Variants in HTR1E observed in about 807,000 individuals in gnomAD.
HTR1E encodes the protein 5-HT-1E.
Under a neutral mutation model 3.4 loss-of-function variants are expected in HTR1E, and 3 were observed. The observed-to-expected ratio is 0.89, with a 90% CI of 0.41 to 2.31. The LOEUF (loss-of-function observed/expected upper bound fraction) is 2.31, where lower values mean the gene tolerates loss of function less well. HTR1E is among the 30% of genes most tolerant of loss of function. HTR1E has a pLI of 0.05. For missense variants in HTR1E, 392 were observed against 467.0 expected, an observed-to-expected ratio of 0.84 and a Z score of 1.48; for synonymous variants, 170 against 182.8, an observed-to-expected ratio of 0.93 and a Z score of 0.56.
intron 1 of HTR1E, among the ~76,000 whole-genome samples, chr6:87,012,562 G>GA (rs1562075349): frequency 6.6e-6 from 1 of 151,554 alleles, no homozygotes; most frequent in African/African-American, 2.4e-5. Flanking sequence ...AAGTTGGAAA[G>GA]AAAAAAAAGA....
chr6:86,967,124 T>C (rs530162687), intron 1 of HTR1E, among the ~76,000 whole-genome samples: 25 of 152,172 alleles, frequency 1.6e-4, no homozygotes, highest in Non-Finnish European at 2.6e-4. Context: ...GCAAGTGCAA[T>C]TAAAGGTTAA....
At chr6:86,941,533 T>C (rs1472492970) in intron 1 of HTR1E, among the ~76,000 whole-genome samples, 1 of 152,222 alleles carries the variant, frequency 6.6e-6, no homozygotes, top group Non-Finnish European at 1.5e-5. Flanking sequence ...CTCATGCTGA[T>C]CAATTCTCAA....
intron 1 of HTR1E, among the ~76,000 whole-genome samples, chr6:86,948,163 C>T (rs946434934): frequency 6.6e-6 from 1 of 152,010 alleles, no homozygotes; most frequent in Non-Finnish European, 1.5e-5. Flanking sequence ...GTTAGTTTGC[C>T]GAGAATGATG....
Position 86,948,916 on chromosome 6 carries a change from T to C in HTR1E, c.-186+11093T>C, listed in dbSNP as rs1208718651. Among the ~76,000 whole-genome samples the C allele has an allele frequency of 2.6e-5, 4 of 152,130 alleles. No homozygotes were observed. In the East Asian group the frequency reaches 7.7e-4, roughly 29 times the overall value. On this transcript the variant is annotated intron_variant, in intron 1 of 1. Coordinates refer to ENST00000305344, the MANE Select transcript of HTR1E (RefSeq NM_000865.3). ...TGCCTCCTGAGGATAAAACTTTACA[T>C]GGAGGAAGGAAGAGCCCAGAGATGG...
chr6:87,016,210 C>G lies in HTR1E; in HGVS notation c.876C>G (p.Ile292Met). The G allele has an allele frequency of 6.2e-7, 1 of 1,614,098 alleles. No homozygotes were observed. Among genetic ancestry groups the G allele is most frequent in the Non-Finnish European group, 8.5e-7 (1 of 1,180,012 alleles). The change falls in exon 2 of 2, where the codon ATC becomes ATG. Residue 292 changes from isoleucine (I) to methionine (M), a missense_variant. By Grantham distance (10) the Ile-to-Met change is conservative. Transcript: ENST00000305344. ...SSTRERKAAR[I>M]LGLILGAFIL... ...CCAGGGAACGGAAGGCAGCACGCAT[C>G]CTGGGGCTGATTCTGGGTGCATTCA...
chr6:86,983,076 A>G (rs189048761), intron 1 of HTR1E, among the ~76,000 whole-genome samples: 13 of 152,332 alleles, frequency 8.5e-5, no homozygotes, highest in Admixed American at 2.6e-4. Flanking sequence ...GTTTTCTATA[A>G]ATAAGCCAGG....
chr6:86,979,721 G>A (rs559784232), intron 1 of HTR1E, among the ~76,000 whole-genome samples: 2 of 152,288 alleles, frequency 1.3e-5, no homozygotes, highest in African/African-American at 2.4e-5. Context: ...CAAAAAAAAG[G>A]TAATTGAAGA....
At chr6:87,010,102 C>T (rs1768187520) in intron 1 of HTR1E, among the ~76,000 whole-genome samples, 1 of 135,604 alleles carries the variant, frequency 7.4e-6, no homozygotes, top group African/African-American at 2.9e-5. Context: ...GCTGGCCGGG[C>T]TGAGGGGCTC....
intron 1 of HTR1E, among the ~76,000 whole-genome samples, chr6:86,943,075 C>T (rs73497531): frequency 6.6e-6 from 1 of 152,100 alleles, no homozygotes; most frequent in Admixed American, 6.5e-5. Flanking sequence ...ACTTATGTAC[C>T]ATTAGCATGC....
intron 1 of HTR1E, among the ~76,000 whole-genome samples, chr6:86,946,493 G>A (rs1768618413): frequency 6.6e-6 from 1 of 152,170 alleles, no homozygotes; most frequent in Non-Finnish European, 1.5e-5. Context: ...TTCACACAAT[G>A]ATGAAATGGC....
intron 1 of HTR1E, among the ~76,000 whole-genome samples, chr6:86,976,007 C>T (rs1187303472): frequency 6.6e-6 from 1 of 151,900 alleles, no homozygotes; most frequent in Non-Finnish European, 1.5e-5. Context: ...GCTCAATCCT[C>T]TGTGGATCAA....
intron 1 of HTR1E, among the ~76,000 whole-genome samples, chr6:87,011,447 C>T (rs1051578847): frequency 3.3e-5 from 5 of 152,170 alleles, no homozygotes; most frequent in Non-Finnish European, 7.3e-5. Context: ...ATGGTGGTTA[C>T]ATGCAACGTA....
At chr6:86,957,977 T>C (rs1767349416) in intron 1 of HTR1E, among the ~76,000 whole-genome samples, 1 of 152,018 alleles carries the variant, frequency 6.6e-6, no homozygotes, top group Non-Finnish European at 1.5e-5. Flanking sequence ...ACTCAGGCTA[T>C]ATCCCCACAC....
intron 1 of HTR1E, among the ~76,000 whole-genome samples, chr6:86,966,736 A>C (rs1767476563): frequency 6.6e-6 from 1 of 152,184 alleles, no homozygotes; most frequent in South Asian, 2.1e-4. Context: ...GCTGAGATGG[A>C]GTTTGCCAGG....
intron 1 of HTR1E, among the ~76,000 whole-genome samples, chr6:87,010,431 A>T (rs1227995625): frequency 5.7e-5 from 8 of 139,688 alleles, no homozygotes; most frequent in South Asian, 2.4e-4. Context: ...ACTTCCCAGT[A>T]GGGGCGACCG....
intron 1 of HTR1E, among the ~76,000 whole-genome samples, chr6:87,008,922 T>C (rs999574225): frequency 6.6e-6 from 1 of 152,200 alleles, no homozygotes; most frequent in African/African-American, 2.4e-5. Flanking sequence ...ATAACCACTC[T>C]CCTTATGTTT....
rs370555127 is a variant in HTR1E, at chr6:87,015,315, T to C, written c.-20T>C. On this transcript the variant is annotated 5_prime_UTR_variant, in exon 2 of 2. Transcript: ENST00000305344. ...AATAACCAACAGCTTCTCCACAGTGTAGACTGAAACAAGGGAAACATGAAC... is the reference window on the plus strand; with the variant it reads ...AATAACCAACAGCTTCTCCACAGTGCAGACTGAAACAAGGGAAACATGAAC... The C allele has an allele frequency of 6.5e-7, 1 of 1,529,636 alleles. No homozygotes were observed. Among genetic ancestry groups the C allele is most frequent in the Non-Finnish European group, 8.8e-7 (1 of 1,135,088 alleles). The allele number at this position is 1,529,636 out of a possible 1,614,324, so 94.8% of individuals were successfully genotyped here. A position where few individuals can be genotyped will look rare whatever the true frequency, so the allele number is the denominator to read the frequency against.
rs749925493 is a variant in HTR1E at position 87,015,388 on chromosome 6, C to A, written c.54C>A (p.Thr18=). Reference sequence around the variant, plus strand: ...CCAGCATGGCTATAAGACCCAAGACCATCACTGAGAAGATGCTCATTTGCA... The same window carrying A: ...CCAGCATGGCTATAAGACCCAAGACAATCACTGAGAAGATGCTCATTTGCA... ...TEASMAIRPK[T]ITEKMLICMT... The change falls in exon 2 of 2, where the codon ACC becomes ACA. Residue 18 remains threonine (T), a synonymous_variant. Coordinates refer to ENST00000305344, the MANE Select transcript of HTR1E (RefSeq NM_000865.3). 3.1e-6 allele frequency: 5 copies of A among 1,607,752 alleles called. No individual in the cohort carries two copies. The highest frequency in any genetic ancestry group is 2.6e-6 in the Non-Finnish European group (3 of 1,176,226).
intron 1 of HTR1E, among the ~76,000 whole-genome samples, chr6:87,005,228 G>A (rs185812742): frequency 1.1e-4 from 16 of 152,138 alleles, no homozygotes; most frequent in Middle Eastern, 6.8e-3. Context: ...CACAGAAATG[G>A]AAAAAATAAT....
Sources: allele counts gnomAD v4.1 joint callset (sites outside exome capture counted in the v4.1 genomes callset), GRCh38; gene constraint gnomAD v4.1.1; transcripts MANE v1.5; gene names NCBI Gene and HGNC (gene_info 2026-07-23, HGNC 2026-07-21).